The following ROBO1 variants were observed in gnomAD, a reference collection of about 807,000 sequenced individuals.
The protein encoded by ROBO1 is roundabout guidance receptor 1, also known as roundabout homolog 1.
A neutral mutation model predicts 195.9 loss-of-function variants in ROBO1; 149 were observed. The observed-to-expected ratio is 0.76, with a 90% CI of 0.67 to 0.87. The LOEUF (loss-of-function observed/expected upper bound fraction) is 0.87, where lower values mean the gene tolerates loss of function less well. Ranked by LOEUF, ROBO1 falls within the 40% of genes least tolerant of loss-of-function variation. ROBO1 has a pLI of 0.00. For synonymous variants in ROBO1, 816 were observed against 733.2 expected (o/e 1.11, Z -1.82); for missense variants, 1,933 against 2,068.3 (o/e 0.93, Z 1.27).
chr3:79,221,002 G>A (rs1274830686), intron 2 of ROBO1, among the ~76,000 whole-genome samples: 1 of 151,654 alleles, frequency 6.6e-6, no homozygotes, highest in Non-Finnish European at 1.5e-5. Context: ...AACCAAATAC[G>A]CATCCAGACA....
At chr3:79,631,256 G>T (rs1309653422) in intron 1 of ROBO1, among the ~76,000 whole-genome samples, 2 of 151,676 alleles carry the variant, frequency 1.3e-5, no homozygotes, top group African/African-American at 4.8e-5. Flanking sequence ...CTGTAGTAAC[G>T]AAAACAGTAT....
At chr3:79,023,005 T>C (rs547814528) in intron 3 of ROBO1, among the ~76,000 whole-genome samples, 5 of 152,320 alleles carry the variant, frequency 3.3e-5, no homozygotes, top group African/African-American at 1.2e-4. Context: ...GGATTGCAGA[T>C]ACCACTTACT....
chr3:78,826,139 A>G (rs1445449252), intron 4 of ROBO1, among the ~76,000 whole-genome samples: 4 of 152,184 alleles, frequency 2.6e-5, no homozygotes, highest in African/African-American at 9.6e-5. Context: ...AATTTTCCAG[A>G]AGCACATCAT....
intron 4 of ROBO1, among the ~76,000 whole-genome samples, chr3:78,926,688 G>C (rs553755148): frequency 7.9e-5 from 12 of 152,130 alleles, no homozygotes; most frequent in African/African-American, 2.9e-4. Flanking sequence ...AGTGAATCAG[G>C]ACAAAATTGG....
intron 10 of ROBO1, 37 bp downstream of exon 10, chr3:78,685,709 A>G (rs773134698): frequency 1.3e-6 from 2 of 1,499,520 alleles, no homozygotes; most frequent in Non-Finnish European, 1.8e-6. Flanking sequence ...CCTAAGTCAA[A>G]CTTGGACATT....
chr3:79,599,046 C>T (rs981607394), intron 1 of ROBO1, among the ~76,000 whole-genome samples: 14 of 152,064 alleles, frequency 9.2e-5, no homozygotes, highest in African/African-American at 2.9e-4. Flanking sequence ...TGCTGGTACT[C>T]AGGGCTGGGA....
intron 2 of ROBO1, among the ~76,000 whole-genome samples, chr3:79,522,493 A>T (rs1209990599): frequency 6.6e-6 from 1 of 152,090 alleles, no homozygotes; most frequent in Non-Finnish European, 1.5e-5. Flanking sequence ...GAAATCCTGG[A>T]GTCATCATTC....
chr3:79,763,965 G>A (rs750762168), intron 1 of ROBO1, among the ~76,000 whole-genome samples: 29 of 152,186 alleles, frequency 1.9e-4, no homozygotes, highest in Non-Finnish European at 2.5e-4. Context: ...CTTAAAAGCA[G>A]CAGTATGACA....
intron 3 of ROBO1, among the ~76,000 whole-genome samples, chr3:79,090,261 G>GGTT (rs2079453915): frequency 6.6e-6 from 1 of 152,036 alleles, no homozygotes; most frequent in Non-Finnish European, 1.5e-5. Flanking sequence ...TTTTAAAACA[G>GGTT]GTTGTTTTTA....
At chr3:79,654,960 T>C (rs1946117030) in intron 1 of ROBO1, among the ~76,000 whole-genome samples, 1 of 151,970 alleles carries the variant, frequency 6.6e-6, no homozygotes, top group Non-Finnish European at 1.5e-5. Context: ...CCTTTATGGT[T>C]CAATCCTAAA....
At chr3:79,392,362 G>A (rs1413667199) in intron 2 of ROBO1, among the ~76,000 whole-genome samples, 1 of 152,162 alleles carries the variant, frequency 6.6e-6, no homozygotes, top group Admixed American at 6.5e-5. Context: ...ATGAGTACCA[G>A]TTTTGAAGAG....
In ROBO1 at chr3:78,737,068, C is replaced by T. The variant is rs546591814; in HGVS notation, c.657+9675G>A. On this transcript the variant is annotated intron_variant, in intron 5 of 30. Coordinates refer to ENST00000464233, the MANE Select transcript of ROBO1 (RefSeq NM_002941.4). Reference sequence around the variant, plus strand: ...AGGACAGAATTCTCCTGTGGAATAACCAGTTGATGATAGCATTGCCCAATA... The same window carrying T: ...AGGACAGAATTCTCCTGTGGAATAATCAGTTGATGATAGCATTGCCCAATA... 4.1e-4 allele frequency among the ~76,000 whole-genome samples: 63 copies of T among 152,216 alleles called. 2 individuals carry two copies. In the South Asian group the frequency reaches 0.013, roughly 32 times the overall value.
intron 1 of ROBO1, among the ~76,000 whole-genome samples, chr3:79,671,661 A>G (rs1340559013): frequency 6.6e-6 from 1 of 151,886 alleles, no homozygotes; most frequent in Admixed American, 6.6e-5. Context: ...TGATATGGTT[A>G]AGTTTCTTAA....
At position 79,659,322 on chromosome 3, in the gene ROBO1, CTT is replaced by C. The variant is rs1211747145; in HGVS notation, c.-50-69363_-50-69362del. Among the ~76,000 whole-genome samples, 12 of 152,120 alleles carry C rather than the reference CTT, an allele frequency of 7.9e-5. No homozygotes were observed. In the East Asian group the frequency reaches 2.1e-3, roughly 27 times the overall value. On this transcript the variant is annotated intron_variant, in intron 1 of 30. Transcript: ENST00000464233. ...TATACACTGATTTAGCCATTTAACT[CTT>C]GACTAAATTAGAGAAAATTTTAATA...
At chr3:78,765,779 G>GATT (rs1333873858) in intron 4 of ROBO1, among the ~76,000 whole-genome samples, 1 of 152,146 alleles carries the variant, frequency 6.6e-6, no homozygotes, top group African/African-American at 2.4e-5. Flanking sequence ...ATTTCTCAAT[G>GATT]AATTCAGCAT....
chr3:79,569,124 G>T (rs1348492088), intron 2 of ROBO1, among the ~76,000 whole-genome samples: 1 of 144,212 alleles, frequency 6.9e-6, no homozygotes, highest in South Asian at 2.2e-4. Flanking sequence ...GCGTGCACAC[G>T]CGCACACACA....
intron 2 of ROBO1, among the ~76,000 whole-genome samples, chr3:79,578,526 A>C (rs1436422046): frequency 6.6e-6 from 1 of 152,176 alleles, no homozygotes; most frequent in Non-Finnish European, 1.5e-5. Flanking sequence ...ATTATGTTTT[A>C]TTACAGTTTT....
intron 2 of ROBO1, among the ~76,000 whole-genome samples, chr3:79,288,403 GA>G (rs967183358): frequency 1.8e-4 from 28 of 152,082 alleles, no homozygotes; most frequent in Admixed American, 4.6e-4. Context: ...TGAGATGAAA[GA>G]AAAAAATAAA....
Position 79,594,398 on chromosome 3 carries a change from C to T in ROBO1, c.-50-4437G>A, listed in dbSNP as rs575161696. 8.6e-5 allele frequency among the ~76,000 whole-genome samples: 13 copies of T among 152,042 alleles called. No homozygotes were observed. In the South Asian group the frequency reaches 1.9e-3, roughly 22 times the overall value. On this transcript the variant is annotated intron_variant, in intron 1 of 30. Coordinates refer to ENST00000464233, the MANE Select transcript of ROBO1 (RefSeq NM_002941.4). ...TTTTAAAATACTAAGAGTGTATATA[C>T]ATATGGCTTTGAATTAAGAAAACTA...
Sources: allele counts gnomAD v4.1 joint callset (sites outside exome capture counted in the v4.1 genomes callset), GRCh38; gene constraint gnomAD v4.1.1; transcripts MANE v1.5; gene names NCBI Gene and HGNC (gene_info 2026-07-23, HGNC 2026-07-21).